The following TRAK1 variants were observed in gnomAD, a reference collection of about 807,000 sequenced individuals.
The protein encoded by TRAK1 is trafficking kinesin protein 1.
In TRAK1, 33 loss-of-function variants were observed where a neutral mutation model predicts 92.1. That is an observed-to-expected ratio of 0.36 (90% confidence interval 0.27 to 0.48). The LOEUF (loss-of-function observed/expected upper bound fraction) is 0.48. Among genes scored for constraint, TRAK1 ranks in the 20% least tolerant of loss-of-function variants. TRAK1 has a pLI of 0.99. For synonymous variants in TRAK1, 521 were observed against 517.3 expected, an observed-to-expected ratio of 1.01 and a Z score of -0.10; for missense variants, 1,123 against 1,257.9, an observed-to-expected ratio of 0.89 and a Z score of 1.62.
At position 42,217,384 on chromosome 3, in the gene TRAK1, C is replaced by T. The variant is rs377099010; in HGVS notation, c.1964-2110C>T. Reference sequence around the variant, plus strand: ...CTTGTTGATCTTCCTTGGTCTTCTACGGCTATTCATTGCTTCTGGGGAATG... The same window carrying T: ...CTTGTTGATCTTCCTTGGTCTTCTATGGCTATTCATTGCTTCTGGGGAATG... On this transcript the variant is annotated intron_variant, in intron 14 of 15. Coordinates refer to ENST00000327628, the MANE Select transcript of TRAK1 (RefSeq NM_001042646.3). 77 of 985,396 alleles carry T rather than the reference C, an allele frequency of 7.8e-5. No individual in the cohort carries two copies. In the East Asian group the frequency reaches 6.8e-3, roughly 87 times the overall value. The allele number at this position is 985,396 out of a possible 1,614,324, so 61.0% of individuals were successfully genotyped here. A position where few individuals can be genotyped will look rare whatever the true frequency, so the allele number is the denominator to read the frequency against.
chr3:42,157,528 C>T (rs1029803564), intron 2 of TRAK1, among the ~76,000 whole-genome samples: 2 of 141,502 alleles, frequency 1.4e-5, no homozygotes, highest in African/African-American at 5.4e-5. Flanking sequence ...CCACAGCAGA[C>T]GCCTCCTGAG....
At chr3:42,069,850 G>T (rs1703841501) in intron 1 of TRAK1, among the ~76,000 whole-genome samples, 1 of 152,046 alleles carries the variant, frequency 6.6e-6, no homozygotes, top group South Asian at 2.1e-4. Flanking sequence ...AACTGAAGAA[G>T]TGGAATTGCT....
intron 1 of TRAK1, among the ~76,000 whole-genome samples, chr3:42,056,328 A>G (rs1212521191): frequency 1.3e-5 from 2 of 152,192 alleles, no homozygotes; most frequent in Non-Finnish European, 2.9e-5. Context: ...TGGTTTGTCC[A>G]TGTCCTTGCC....
intron 1 of TRAK1, among the ~76,000 whole-genome samples, chr3:42,107,726 A>G (rs925019421): frequency 1.3e-5 from 2 of 151,976 alleles, no homozygotes; most frequent in African/African-American, 4.8e-5. Flanking sequence ...GCCTGTACAG[A>G]TAGTACCTTT....
intron 1 of TRAK1, among the ~76,000 whole-genome samples, chr3:42,036,054 G>T (rs752591315): frequency 9.9e-5 from 15 of 152,198 alleles, no homozygotes; most frequent in Non-Finnish European, 1.9e-4. Context: ...TTTGACAGTG[G>T]CCTGGCACTG....
chr3:42,086,001 G>T (rs1185279292), upstream of TRAK1, among the ~76,000 whole-genome samples: 1 of 152,210 alleles, frequency 6.6e-6, no homozygotes, highest in Non-Finnish European at 1.5e-5. Flanking sequence ...AAACTCCAGG[G>T]ATTCTCAGAC....
intron 2 of TRAK1, among the ~76,000 whole-genome samples, chr3:42,140,829 C>T (rs571623670): frequency 3.3e-4 from 50 of 152,262 alleles, no homozygotes; most frequent in Admixed American, 2.2e-3. Context: ...TTGGCTGGCC[C>T]GGCATACAGG....
intron 2 of TRAK1, among the ~76,000 whole-genome samples, chr3:42,131,027 A>G (rs1697124872): frequency 6.6e-6 from 1 of 152,184 alleles, no homozygotes; most frequent in Non-Finnish European, 1.5e-5. Context: ...GGTCACAGAC[A>G]TAGCAAGCGT....
rs11370773 is a variant in TRAK1 at position 42,160,558 on chromosome 3, G to GTTTTTTTTTTTTT, written c.287-16252_287-16251insTTTTTTTTTTTTT. ...AATGTTTTGCTGATTTCATAGCACT[G>GTTTTTTTTTTTTT]TTTTGTTTTTGTTTTTTTTTAAGTT... is the stretch of plus-strand genomic sequence containing the variant. On this transcript the variant is annotated intron_variant, in intron 2 of 15. Coordinates refer to ENST00000327628, the MANE Select transcript of TRAK1 (RefSeq NM_001042646.3). The GTTTTTTTTTTTTT allele has an allele frequency of 4.7e-6, 5 of 1,054,780 alleles. 1 individual carries two copies. The highest frequency in any genetic ancestry group is 1.8e-5 in the South Asian group (1 of 54,560). 65.3% of individuals were successfully genotyped at this position (1,054,780 alleles called of 1,614,324 possible).
intron 3 of TRAK1, among the ~76,000 whole-genome samples, chr3:42,181,405 G>A (rs974136431): frequency 1.3e-5 from 2 of 152,148 alleles, no homozygotes; most frequent in African/African-American, 2.4e-5. Context: ...TTAGCTGGGC[G>A]AGGTGGCGTG....
chr3:42,054,404 C>A (rs1463911525), intron 1 of TRAK1, among the ~76,000 whole-genome samples: 2 of 152,012 alleles, frequency 1.3e-5, no homozygotes, highest in Non-Finnish European at 2.9e-5. Context: ...GCCTTGCAAG[C>A]CAGAATCAGG....
At chr3:42,116,105 C>T (rs149820330) in intron 1 of TRAK1, among the ~76,000 whole-genome samples, 279 of 152,342 alleles carry the variant, frequency 1.8e-3, no homozygotes, top group African/African-American at 6.3e-3. Context: ...GGCAGGGTTC[C>T]GGGTGCTGGG....
chr3:42,105,600 A>G (rs1338433439), intron 1 of TRAK1, among the ~76,000 whole-genome samples: 1 of 152,216 alleles, frequency 6.6e-6, no homozygotes, highest in East Asian at 1.9e-4. Flanking sequence ...ACTCTTCAGG[A>G]TATTATCCAG....
At chr3:42,080,329 C>G (rs1298870858) in intron 1 of TRAK1, among the ~76,000 whole-genome samples, 2 of 152,212 alleles carry the variant, frequency 1.3e-5, no homozygotes, top group South Asian at 4.1e-4. Flanking sequence ...CCTGGGCCAC[C>G]CACCCCAGGC....
intron 10 of TRAK1, 37 bp downstream of exon 10, chr3:42,194,978 G>A (rs779398888): frequency 6.2e-7 from 1 of 1,609,486 alleles, no homozygotes; most frequent in South Asian, 1.1e-5. Context: ...AGGACAGGAG[G>A]GGTTCTGGTG....
chr3:42,080,683 G>A (rs1704387841), intron 1 of TRAK1, among the ~76,000 whole-genome samples: 1 of 151,826 alleles, frequency 6.6e-6, no homozygotes, highest in Non-Finnish European at 1.5e-5. Flanking sequence ...AGTGAAGTTA[G>A]GCTGGCACCT....
intron 1 of TRAK1, among the ~76,000 whole-genome samples, chr3:42,015,376 T>C (rs1701477321): frequency 6.6e-6 from 1 of 152,064 alleles, no homozygotes; most frequent in East Asian, 1.9e-4. Context: ...CGTTTCCTGT[T>C]TGATGCCCCA....
At chr3:42,191,157 C>T (rs138711148) in intron 6 of TRAK1, among the ~76,000 whole-genome samples, 2 of 152,256 alleles carry the variant, frequency 1.3e-5, no homozygotes, top group Admixed American at 6.5e-5. Context: ...GTGTGGTTAT[C>T]CTTAGGATGC....
At position 42,194,027 on chromosome 3, in the gene TRAK1, G is replaced by A. The variant is rs79510648; in HGVS notation, c.975+129G>A. 6.6e-3 allele frequency: 5,973 copies of A among 900,342 alleles called. 38 individuals are homozygous for A. Among genetic ancestry groups the A allele is most frequent in the Non-Finnish European group, 8.1e-3 (4,835 of 595,922 alleles). The allele number at this position is 900,342 out of a possible 1,614,324, so 55.8% of individuals were successfully genotyped here. A position where few individuals can be genotyped will look rare whatever the true frequency, so the allele number is the denominator to read the frequency against. On this transcript the variant is annotated intron_variant, in intron 9 of 15. Transcript: ENST00000327628. ...TTTGAATTTCATTTCATTTTTATTC[G>A]TGGGAGAGTAAACCCAGTTGCACCT... is the stretch of plus-strand genomic sequence containing the variant.
Sources: gnomAD v4.1 joint callset for allele counts (sites outside exome capture counted in the v4.1 genomes callset) on GRCh38, gnomAD v4.1.1 for gene constraint, MANE v1.5 for transcripts, NCBI Gene and HGNC (gene_info 2026-07-23, HGNC 2026-07-21) for gene names.